The following DPP7 variants were observed in gnomAD, a reference collection of about 807,000 sequenced individuals.
DPP7 encodes dipeptidyl peptidase 7.
A neutral mutation model predicts 58.8 loss-of-function variants in DPP7; 74 were observed. That is an observed-to-expected ratio of 1.26 (90% CI 1.04 to 1.53). The LOEUF (loss-of-function observed/expected upper bound fraction) is 1.53, where lower values mean the gene tolerates loss of function less well. Among genes scored for constraint, DPP7 ranks in the 40% most tolerant of loss-of-function variants. The pLI, the probability that DPP7 is intolerant of heterozygous loss-of-function variation, is 0.00. For synonymous variants in DPP7, 350 were observed against 303.6 expected (o/e 1.15, Z -1.59); for missense variants, 807 against 692.3 (o/e 1.17, Z -1.86).
intron 11 of DPP7, 102 bp from the exon 12 acceptor site, chr9:137,111,052 A>T: frequency 8.6e-7 from 1 of 1,167,566 alleles, no homozygotes; most frequent in Non-Finnish European, 1.2e-6. Flanking sequence ...GCCGAGACTC[A>T]GTGCCCATCA....
rs1564326751 is a variant in DPP7, at chr9:137,114,645, AC to A, written c.67+1del. The A allele has an allele frequency of 9.5e-6, 13 of 1,375,038 alleles. No homozygotes were observed. The highest frequency in any genetic ancestry group is 6.7e-5 in the South Asian group (4 of 59,912). 85.2% of individuals were successfully genotyped at this position (1,375,038 alleles called of 1,614,324 possible). A position where few individuals can be genotyped will look rare whatever the true frequency, so the allele number is the denominator to read the frequency against. On this transcript the variant is annotated splice_donor_variant, in intron 1 of 12. Coordinates refer to ENST00000371579, the MANE Select transcript of DPP7 (RefSeq NM_013379.3). LOFTEE classifies it high-confidence loss of function. Reference sequence around the variant, plus strand: ...AATGGGCCGGGGGGCGCCGCCACTCACCCCCCGCCTGGAGGCCGCGCAGCCC... The same window carrying A: ...AATGGGCCGGGGGGCGCCGCCACTCACCCCCGCCTGGAGGCCGCGCAGCCC...
Position 137,113,402 on chromosome 9 carries a change from C to T in DPP7, c.580G>A (p.Gly194Ser), listed in dbSNP as rs1473473376. Reference protein sequence around the residue: ...AASAPVLAVAGLGDSNQFFRD... With the variant: ...AASAPVLAVASLGDSNQFFRD... ...AAGAACTGGTTGGAGTCGCCGAGGC[C>T]TGCCACAGCTAGAACGGGCGCGCTG... The change falls in exon 5 of 13, where the codon GGC becomes AGC. Residue 194 changes from glycine (G) to serine (S), a missense_variant. Gly to Ser is a moderately conservative substitution (Grantham distance 56, BLOSUM62 0). This residue lies in a region of DPP7 where 624 missense variants were observed against 531.2 expected (regional missense o/e 1.17). Coordinates refer to ENST00000371579, the MANE Select transcript of DPP7 (RefSeq NM_013379.3). 6.2e-7 allele frequency: 1 copy of T among 1,609,798 alleles called. No homozygotes were observed. The highest frequency in any genetic ancestry group is 1.3e-5 in the African/African-American group (1 of 74,816).
At chr9:137,115,926 C>G (rs891467431), upstream of DPP7, among the ~76,000 whole-genome samples, 1 of 150,390 alleles carries the variant, frequency 6.6e-6, no homozygotes, top group Non-Finnish European at 1.5e-5. Context: ...GTGGAGGTAC[C>G]CCACGGCGTC....
In DPP7 at chr9:137,110,771, T is replaced by C; in HGVS notation, c.1356A>G (p.Pro452=). Residue 452 remains proline (P), a synonymous_variant, in exon 13 of 13, where the codon CCA becomes CCG. Transcript: ENST00000371579. ...CCTCAACCACGGAAGCAGGATCTTC[T>C]GGGTGGGAGGCTCTGGGGAGCGGGC... ...AHHLDLRASH[P]EDPASVVEAR... 6.2e-7 allele frequency: 1 copy of C among 1,605,718 alleles called. No homozygotes were observed. Among genetic ancestry groups the C allele is most frequent in the African/African-American group, 1.3e-5 (1 of 74,998 alleles).
At chr9:137,114,815 C>T (rs1831581239), upstream of DPP7, 5 of 795,866 alleles carry the variant, frequency 6.3e-6, no homozygotes, top group Non-Finnish European at 6.7e-6. Context: ...GCGGTCCCCA[C>T]GGAGACCGTC....
upstream of DPP7, chr9:137,115,296 C>G (rs1297297220): frequency 6.6e-6 from 1 of 152,456 alleles, no homozygotes; most frequent in Non-Finnish European, 1.5e-5. Flanking sequence ...GAATCGCCAC[C>G]TGCCCTTCCG....
chr9:137,112,553 G>T, intron 8 of DPP7, 192 bp downstream of exon 8: 1 of 748,364 alleles, frequency 1.3e-6, no homozygotes, highest in Non-Finnish European at 2.1e-6. Flanking sequence ...AGCCAGTGCT[G>T]AGAGGGTCCC....
intron 4 of DPP7, 105 bp from the exon 5 acceptor site, chr9:137,113,601 C>A (rs1308194433): frequency 4.1e-6 from 6 of 1,447,836 alleles, no homozygotes; most frequent in African/African-American, 1.4e-5. Context: ...ACTTCTGAGA[C>A]CCACAAATTC....
upstream of DPP7, among the ~76,000 whole-genome samples, chr9:137,118,148 T>A (rs1335004510): frequency 6.6e-6 from 1 of 151,904 alleles, no homozygotes; most frequent in East Asian, 1.9e-4. Context: ...CCACCACGCC[T>A]GGCTAAATTT....
Position 137,110,627 on chromosome 9 carries a change from G to C in DPP7, c.*21C>G. The C allele has an allele frequency of 6.2e-7, 1 of 1,605,266 alleles. No individual in the cohort carries two copies. The highest frequency in any genetic ancestry group is 1.1e-5 in the South Asian group (1 of 90,786). On this transcript the variant is annotated 3_prime_UTR_variant, in exon 13 of 13. Coordinates refer to ENST00000371579, the MANE Select transcript of DPP7 (RefSeq NM_013379.3). ...AAGCCCCCACTCCATGAGGAGCCTT[G>C]AGACCCCTCCAGTCCTGTGCTCAGA... is the stretch of plus-strand genomic sequence containing the variant.
At position 137,114,653 on chromosome 9, in the gene DPP7, C is replaced by G; in HGVS notation, c.61G>C (p.Ala21Pro). 1 of 1,375,070 alleles carries G rather than the reference C, an allele frequency of 7.3e-7. No individual in the cohort carries two copies. The highest frequency in any genetic ancestry group is 9.4e-7 in the Non-Finnish European group (1 of 1,065,434). 85.2% of individuals were successfully genotyped at this position (1,375,070 alleles called of 1,614,324 possible). Residue 21 changes from alanine to proline, a missense_variant, in exon 1 of 13, where the codon GCG (alanine) becomes CCG (proline). This residue lies in a region of DPP7 where 168 missense variants were observed against 124.1 expected (regional missense o/e 1.35). Coordinates refer to ENST00000371579, the MANE Select transcript of DPP7 (RefSeq NM_013379.3). ...LLALGLRGLQ[A>P]GARRAPDPGF... ...GGGGGGCGCCGCCACTCACCCCCCG[C>G]CTGGAGGCCGCGCAGCCCGAGCGCC...
chr9:137,112,254 C>T, intron 8 of DPP7, 24 bp from the exon 9 acceptor site: 2 of 1,579,516 alleles, frequency 1.3e-6, no homozygotes, highest in Non-Finnish European at 1.7e-6. Context: ...GCGCTGGGGC[C>T]CAGCGGCCAC....
chr9:137,110,617 G>A lies in DPP7; in HGVS notation c.*31C>T, dbSNP rs201310547. On this transcript the variant is annotated 3_prime_UTR_variant, in exon 13 of 13. Coordinates refer to ENST00000371579, the MANE Select transcript of DPP7 (RefSeq NM_013379.3). ...TGCTTGAGTGAAGCCCCCACTCCAT[G>A]AGGAGCCTTGAGACCCCTCCAGTCC... 5 of 1,598,070 alleles carry A rather than the reference G, an allele frequency of 3.1e-6. No individual in the cohort carries two copies. Among genetic ancestry groups the A allele is most frequent in the Non-Finnish European group, 3.4e-6 (4 of 1,172,804 alleles).
At position 137,112,735 on chromosome 9, in the gene DPP7, G is replaced by C; in HGVS notation, c.931+10C>G. The C allele has an allele frequency of 6.3e-7, 1 of 1,597,150 alleles. No individual in the cohort carries two copies. The highest frequency in any genetic ancestry group is 8.5e-7 in the Non-Finnish European group (1 of 1,175,152). ...CCACACTTGCCCATCTGGGGCCGGG[G>C]GAAGGGCACCTGCCAGTGCTCGCAG... On this transcript the variant is annotated intron_variant, in intron 8 of 12. Coordinates refer to ENST00000371579, the MANE Select transcript of DPP7 (RefSeq NM_013379.3).
intron 11 of DPP7, 129 bp downstream of exon 11, chr9:137,111,561 C>T (rs1342712307): frequency 9.9e-7 from 1 of 1,013,928 alleles, no homozygotes; most frequent in African/African-American, 1.6e-5. Flanking sequence ...AGGCTTGAGC[C>T]TCAGAGGTCA....
At chr9:137,114,998 T>C (rs1245397046), upstream of DPP7, 2 of 283,378 alleles carry the variant, frequency 7.1e-6, no homozygotes, top group Non-Finnish European at 1.3e-5. Flanking sequence ...GGAGCTGCGC[T>C]AGGGCGAGTC....
At position 137,110,732 on chromosome 9, in the gene DPP7, C is replaced by T; in HGVS notation, c.1395G>A (p.Glu465=). Reference sequence around the variant, plus strand: ...TTACCCACTCGCCGATGATGGTGGCCTCCAGCTTCCGCGCCTCAACCACGG... The same window carrying T: ...TTACCCACTCGCCGATGATGGTGGCTTCCAGCTTCCGCGCCTCAACCACGG... ...PASVVEARKL[E]ATIIGEWVKA... is the part of the protein sequence containing the mutation. Residue 465 remains glutamate (E), a synonymous_variant, in exon 13 of 13, where the codon GAG becomes GAA. Transcript: ENST00000371579. The T allele has an allele frequency of 3.7e-6, 6 of 1,607,358 alleles. No individual in the cohort carries two copies. Among genetic ancestry groups the T allele is most frequent in the Non-Finnish European group, 5.1e-6 (6 of 1,179,926 alleles).
intron 2 of DPP7, 21 bp from the exon 3 acceptor site, chr9:137,114,403 GC>G: frequency 1.9e-6 from 3 of 1,584,316 alleles, no homozygotes; most frequent in Non-Finnish European, 2.6e-6. Context: ...GGCGGATGAG[GC>G]GAGGGTGCCG....
rs535508456 is a variant in DPP7, at chr9:137,113,642, C to T, written c.486-146G>A. ...CTGGGCCAGGTGCGGGTGCAGCTCT[C>T]ACTGGGAAAGGCCGCTAGTGTGGCC... is the stretch of plus-strand genomic sequence containing the variant. On this transcript the variant is annotated intron_variant, in intron 4 of 12. Transcript: ENST00000371579. 1.6e-4 allele frequency: 234 copies of T among 1,428,618 alleles called. No homozygotes were observed. In the South Asian group the frequency reaches 3.2e-3, roughly 20 times the overall value. 88.5% of individuals were successfully genotyped at this position (1,428,618 alleles called of 1,614,324 possible).
Sources: gnomAD v4.1 joint callset for allele counts (sites outside exome capture counted in the v4.1 genomes callset) on GRCh38, gnomAD v4.1.1 for gene constraint, gnomAD v4.1.1 regional missense constraint, MANE v1.5 for transcripts, NCBI Gene and HGNC (gene_info 2026-07-23, HGNC 2026-07-21) for gene names.